Variants in SP110 observed in about 807,000 individuals in gnomAD.
SP110 encodes SP110 nuclear body protein.
In SP110, 62 loss-of-function variants were observed where a neutral mutation model predicts 92.7. That is an observed-to-expected ratio of 0.67 (90% CI 0.55 to 0.83). The LOEUF is 0.83. Ranked by LOEUF, SP110 falls within the 40% of genes least tolerant of loss-of-function variation. SP110 has a pLI of 0.00. For synonymous variants in SP110, 273 were observed against 305.3 expected (o/e 0.89, Z 1.10); for missense variants, 793 against 863.9 (o/e 0.92, Z 1.03).
intron 16 of SP110, 44 bp downstream of exon 16, chr2:230,172,022 G>T: frequency 1.7e-6 from 2 of 1,192,824 alleles, no homozygotes; most frequent in Non-Finnish European, 2.5e-6. Flanking sequence ...TGCTTCTCGT[G>T]TGAGAAGGGA....
intron 10 of SP110, chr2:230,200,557 T>C (rs2043083636): frequency 8.3e-6 from 3 of 361,346 alleles, no homozygotes; most frequent in South Asian, 5.4e-5. Context: ...ACTTTCAGTA[T>C]AGTACCATGA....
Position 230,169,019 on chromosome 2 carries a change from A to T in SP110, c.*105T>A. 1.3e-6 allele frequency: 1 copy of T among 787,064 alleles called. No homozygotes were observed. Among genetic ancestry groups the T allele is most frequent in the Non-Finnish European group, 2.3e-6 (1 of 435,312 alleles). The allele number at this position is 787,064 out of a possible 1,614,324, so 48.8% of individuals were successfully genotyped here. On this transcript the variant is annotated 3_prime_UTR_variant, in exon 19 of 19. Transcript: ENST00000258381. ...ATGAAGTGTCTGGGTTTGGGTCCTG[A>T]GGGCAGCCAATTACATCCCAGACTC...
chr2:230,177,417 T>A, intron 14 of SP110, 121 bp downstream of exon 14: 1 of 1,088,530 alleles, frequency 9.2e-7, no homozygotes, highest in Non-Finnish European at 1.4e-6. Flanking sequence ...TATGAACATT[T>A]AACTCCTTAT....
chr2:230,176,809 GTCTGTACCCAGAC>G (rs2041882590), intron 14 of SP110: 1 of 1,382,052 alleles, frequency 7.2e-7, no homozygotes, highest in Non-Finnish European at 1.0e-6. Context: ...CCTAGTGAAT[GTCTGTACCCAGAC>G]ATCACACTGG....
intron 12 of SP110, among the ~76,000 whole-genome samples, chr2:230,183,145 T>G (rs1156851255): frequency 6.6e-6 from 1 of 152,034 alleles, no homozygotes; most frequent in Non-Finnish European, 1.5e-5. Flanking sequence ...AGGACAGAGA[T>G]GCAAAGAGGG....
At chr2:230,203,204 G>A (rs2043358130) in intron 8 of SP110, 1 of 182,080 alleles carries the variant, frequency 5.5e-6, no homozygotes, top group African/African-American at 2.4e-5. Context: ...ACCCTGCCAA[G>A]AAGGCGGCTA....
chr2:230,177,357 C>T, intron 14 of SP110, 181 bp downstream of exon 14: 1 of 712,632 alleles, frequency 1.4e-6, no homozygotes, highest in African/African-American at 1.8e-5. Flanking sequence ...AAGTTCTCCA[C>T]CATCAGGAAC....
chr2:230,190,891 T>C (rs754574654), intron 10 of SP110, among the ~76,000 whole-genome samples: 25 of 152,092 alleles, frequency 1.6e-4, no homozygotes, highest in Non-Finnish European at 1.8e-4. Context: ...ATTTCTGAGG[T>C]CTCTGTTCTG....
upstream of SP110, among the ~76,000 whole-genome samples, chr2:230,220,567 G>A (rs2045725852): frequency 6.6e-6 from 1 of 152,312 alleles, no homozygotes; most frequent in East Asian, 1.9e-4. Flanking sequence ...GAGCTGGGCA[G>A]GTAGTTGGGA....
At chr2:230,176,120 G>A (rs563470272) in intron 14 of SP110, among the ~76,000 whole-genome samples, 14 of 151,636 alleles carry the variant, frequency 9.2e-5, no homozygotes, top group Admixed American at 9.2e-4. Context: ...ATTTTTGTAT[G>A]TTTTGTAAAG....
intron 10 of SP110, among the ~76,000 whole-genome samples, chr2:230,198,600 T>C (rs2042984797): frequency 6.6e-6 from 1 of 152,138 alleles, no homozygotes; most frequent in African/African-American, 2.4e-5. Flanking sequence ...GATAGAATTT[T>C]TTTTTCTTTT....
chr2:230,192,789 A>C, intron 10 of SP110, among the ~76,000 whole-genome samples: 1 of 152,222 alleles, frequency 6.6e-6, no homozygotes, highest in East Asian at 1.9e-4. Context: ...TTTTGTGGCT[A>C]TCATATGGTC....
intron 10 of SP110, among the ~76,000 whole-genome samples, chr2:230,195,836 T>C (rs1257412696): frequency 6.6e-6 from 1 of 152,006 alleles, no homozygotes; most frequent in Non-Finnish European, 1.5e-5. Context: ...CCGACACTAT[T>C]AAAGCAAAAA....
chr2:230,201,498 A>G (rs2043183286), intron 9 of SP110, among the ~76,000 whole-genome samples: 2 of 152,224 alleles, frequency 1.3e-5, no homozygotes, highest in African/African-American at 4.8e-5. Flanking sequence ...AATAAAAATA[A>G]AAGCAAGATT....
At position 230,177,441 on chromosome 2, in the gene SP110, G is replaced by A; in HGVS notation, c.1590+97C>T. On this transcript the variant is annotated intron_variant, in intron 14 of 18. Coordinates refer to ENST00000258381, the MANE Select transcript of SP110 (RefSeq NM_080424.4). ...TTAACTCCTTATAAATCATGCTGTTGAATCCTAACGGGAGCTCTTCACATT... is the reference window on the plus strand; with the variant it reads ...TTAACTCCTTATAAATCATGCTGTTAAATCCTAACGGGAGCTCTTCACATT... 5 of 1,279,844 alleles carry A rather than the reference G, an allele frequency of 3.9e-6. No homozygotes were observed. In the Middle Eastern group the frequency reaches 5.5e-4, roughly 141 times the overall value. 79.3% of individuals were successfully genotyped at this position (1,279,844 alleles called of 1,614,324 possible). A position where few individuals can be genotyped will look rare whatever the true frequency, so the allele number is the denominator to read the frequency against.
intron 3 of SP110, 79 bp from the exon 4 acceptor site, chr2:230,213,106 C>T: frequency 7.1e-7 from 1 of 1,398,800 alleles, no homozygotes; most frequent in South Asian, 1.2e-5. Context: ...TAATACATGC[C>T]TTCCAATAGG....
At chr2:230,213,302 A>G (rs2044704928) in intron 3 of SP110, among the ~76,000 whole-genome samples, 1 of 152,196 alleles carries the variant, frequency 6.6e-6, no homozygotes, top group Non-Finnish European at 1.5e-5. Context: ...TTGGGTTTGT[A>G]CCCAGGGGTT....
chr2:230,224,986 G>T (rs1391834255), intron 1 of SP110, among the ~76,000 whole-genome samples: 1 of 152,154 alleles, frequency 6.6e-6, no homozygotes, highest in Non-Finnish European at 1.5e-5. Flanking sequence ...CAGAATGAGG[G>T]CTGGGTATAA....
chr2:230,180,940 C>T (rs1011795612), intron 12 of SP110, among the ~76,000 whole-genome samples: 1 of 152,062 alleles, frequency 6.6e-6, no homozygotes, highest in African/African-American at 2.4e-5. Context: ...AGTCTTTTGC[C>T]CTTTAATTGA....
Sources: allele counts gnomAD v4.1 joint callset (sites outside exome capture counted in the v4.1 genomes callset), GRCh38; gene constraint gnomAD v4.1.1; transcripts MANE v1.5; gene names NCBI Gene and HGNC (gene_info 2026-07-23, HGNC 2026-07-21).